Variants in ZNF469 observed in about 807,000 individuals in gnomAD.
The protein encoded by ZNF469 is zinc finger protein 469.
In ZNF469, 1 loss-of-function variant was observed where a neutral mutation model predicts 1.0. The ratio of observed to expected loss-of-function variants is 1.00; its 90% CI spans 0.35 to 4.73. ZNF469 has a LOEUF of 4.73. ZNF469 is among the 30% of genes most tolerant of loss of function. ZNF469 has a pLI of 0.16. For missense variants in ZNF469, 6,100 were observed against 5,356.3 expected, an observed-to-expected ratio of 1.14 and a Z score of -4.33; for synonymous variants, 2,703 against 2,363.4, an observed-to-expected ratio of 1.14 and a Z score of -4.17.
chr16:88,115,439 C>G, the ZNF469 span, among the ~76,000 whole-genome samples: 1 of 152,044 alleles, frequency 6.6e-6, no homozygotes, highest in Admixed American at 6.6e-5. Flanking sequence ...ACCCCTCCAG[C>G]TCATGTCAGC....
the ZNF469 span, among the ~76,000 whole-genome samples, chr16:88,349,054 C>G: frequency 6.6e-6 from 1 of 152,184 alleles, no homozygotes; most frequent in Non-Finnish European, 1.5e-5. Context: ...ATTTCCATCG[C>G]TTTACTCGGA....
chr16:88,241,342 G>T, the ZNF469 span, among the ~76,000 whole-genome samples: 41,107 of 146,158 alleles, frequency 0.28, 6,775 homozygotes, highest in Non-Finnish European at 0.37. This position sits in a 1 kb window ranked among gnomAD's most constrained non-coding sequence, Gnocchi z 4.8. Context: ...CTGGGCGGCA[G>T]GGTGAGACTC....
chr16:88,161,251 A>T, the ZNF469 span, among the ~76,000 whole-genome samples: 8 of 152,084 alleles, frequency 5.3e-5, no homozygotes. Flanking sequence ...ATTCTGGTGG[A>T]GCATAATAGC....
chr16:88,121,620 A>T, the ZNF469 span, among the ~76,000 whole-genome samples: 1 of 152,040 alleles, frequency 6.6e-6, no homozygotes, highest in Non-Finnish European at 1.5e-5. Flanking sequence ...AAAATTCCAT[A>T]CATATTTAAG....
At chr16:88,426,011 G>A (rs951031154) in intron 2 of ZNF469, among the ~76,000 whole-genome samples, 1 of 152,366 alleles carries the variant, frequency 6.6e-6, no homozygotes, top group South Asian at 2.1e-4. Flanking sequence ...TACCAACCTC[G>A]TGCTGGGGAC....
the ZNF469 span, among the ~76,000 whole-genome samples, chr16:88,303,377 C>T: frequency 1.8e-4 from 28 of 152,340 alleles, no homozygotes; most frequent in East Asian, 4.2e-3. Flanking sequence ...CCCTCGCCAG[C>T]GCTGTTCTTT....
chr16:88,211,374 G>A, the ZNF469 span, among the ~76,000 whole-genome samples: 1 of 152,252 alleles, frequency 6.6e-6, no homozygotes, highest in East Asian at 1.9e-4. Context: ...TGGAAGGCCA[G>A]TGTCTTCACA....
the ZNF469 span, among the ~76,000 whole-genome samples, chr16:88,170,056 G>T: frequency 6.6e-6 from 1 of 152,212 alleles, no homozygotes; most frequent in Admixed American, 6.5e-5. This position sits in a 1 kb window ranked among gnomAD's most constrained non-coding sequence, Gnocchi z 4.2. Flanking sequence ...CCCGAGTCCC[G>T]CTTGTGGCTG....
At chr16:88,381,314 TCA>T (rs1172992655), upstream of ZNF469, among the ~76,000 whole-genome samples, 6 of 133,234 alleles carry the variant, frequency 4.5e-5, no homozygotes, top group Admixed American at 2.2e-4. Context: ...ACTCATGCAC[TCA>T]CACACAGAGA....
the ZNF469 span, among the ~76,000 whole-genome samples, chr16:88,351,520 C>T: frequency 6.6e-6 from 1 of 152,164 alleles, no homozygotes; most frequent in Non-Finnish European, 1.5e-5. Flanking sequence ...AGGCCCTGAC[C>T]CCTCAGGAGC....
intron 1 of ZNF469, among the ~76,000 whole-genome samples, chr16:88,389,148 C>G (rs78923255): frequency 1.3e-5 from 2 of 152,254 alleles, no homozygotes; most frequent in African/African-American, 4.8e-5. Flanking sequence ...AAAAAAAACC[C>G]TGTGCCCATG....
At chr16:88,336,063 A>G in the ZNF469 span, among the ~76,000 whole-genome samples, 227 of 113,204 alleles carry the variant, frequency 2.0e-3, no homozygotes, top group East Asian at 4.4e-3. Context: ...CATCCTTCAC[A>G]TGAGACACTA....
At chr16:88,272,998 G>A in the ZNF469 span, among the ~76,000 whole-genome samples, 11 of 143,760 alleles carry the variant, frequency 7.7e-5, no homozygotes, top group South Asian at 2.4e-4. Flanking sequence ...GGGTGGGTGT[G>A]TGGATAGACG....
At chr16:88,283,040 A>G in the ZNF469 span, among the ~76,000 whole-genome samples, 2 of 152,212 alleles carry the variant, frequency 1.3e-5, no homozygotes, top group African/African-American at 4.8e-5. Context: ...AGAAGTTGGC[A>G]AACCCAGGAG....
the ZNF469 span, among the ~76,000 whole-genome samples, chr16:88,174,179 A>G: frequency 5.9e-5 from 9 of 152,328 alleles, no homozygotes; most frequent in South Asian, 1.7e-3. Flanking sequence ...ACACTAATCA[A>G]TAGAAAGATA....
the ZNF469 span, among the ~76,000 whole-genome samples, chr16:88,131,567 C>G: frequency 6.6e-6 from 1 of 152,220 alleles, no homozygotes; most frequent in Non-Finnish European, 1.5e-5. Flanking sequence ...CATAGTCAGG[C>G]AGAGAAGGTC....
chr16:88,433,563 G>A lies in ZNF469; in HGVS notation c.6093G>A (p.Glu2031=). 1 of 1,550,388 alleles carries A rather than the reference G, an allele frequency of 6.4e-7. No homozygotes were observed. Among genetic ancestry groups the A allele is most frequent in the Non-Finnish European group, 8.7e-7 (1 of 1,146,946 alleles). ...SPKTALTGPT[E]GAVLLEKCKG... Reference sequence around the variant, plus strand: ...AAACAGCGCTGACCGGCCCCACCGAGGGTGCAGTCCTGCTAGAGAAATGCA... The same window carrying A: ...AAACAGCGCTGACCGGCCCCACCGAAGGTGCAGTCCTGCTAGAGAAATGCA... Residue 2031 remains glutamate (E), a synonymous_variant, in exon 3 of 3, where the codon GAG becomes GAA. Transcript: ENST00000565624.
intron 1 of ZNF469, among the ~76,000 whole-genome samples, chr16:88,393,625 G>A (rs952880809): frequency 6.6e-6 from 1 of 152,138 alleles, no homozygotes; most frequent in Non-Finnish European, 1.5e-5. Flanking sequence ...GAGGGGTTCG[G>A]GTGGGGGTCA....
At chr16:88,124,841 T>C in the ZNF469 span, among the ~76,000 whole-genome samples, 4,352 of 151,668 alleles carry the variant, frequency 0.029, 209 homozygotes, top group African/African-American at 0.1. Context: ...GTCTCAGTGT[T>C]CCAAAGTGCT....
Sources: allele counts gnomAD v4.1 joint callset (sites outside exome capture counted in the v4.1 genomes callset), GRCh38; gene constraint gnomAD v4.1.1; non-coding constraint Gnocchi (gnomAD v3.1); transcripts MANE v1.5; gene names NCBI Gene and HGNC (gene_info 2026-07-23, HGNC 2026-07-21).